The following VRK2 variants were observed in gnomAD, a reference collection of about 807,000 sequenced individuals.
The protein encoded by VRK2 is serine/threonine-protein kinase VRK2.
VRK2 carries 60 observed loss-of-function variants against 57.6 expected under a neutral mutation model. The observed-to-expected ratio is 1.04, with a 90% CI of 0.85 to 1.29. VRK2 has a LOEUF of 1.29. VRK2 is among the 50% of genes most tolerant of loss of function. The pLI, the probability that VRK2 is intolerant of heterozygous loss-of-function variation, is 0.00. For synonymous variants in VRK2, 231 were observed against 199.2 expected, an observed-to-expected ratio of 1.16 and a Z score of -1.35; for missense variants, 705 against 588.1, an observed-to-expected ratio of 1.20 and a Z score of -2.06.
chr2:57,978,685 C>CTTCT (rs558568696), intron 1 of VRK2, among the ~76,000 whole-genome samples: 1 of 146,618 alleles, frequency 6.8e-6, no homozygotes, highest in Non-Finnish European at 1.5e-5. Context: ...TCCTTCCTTC[C>CTTCT]TTCTTTCTTT....
At chr2:58,118,595 A>G (rs764134699) in intron 7 of VRK2, among the ~76,000 whole-genome samples, 1 of 152,212 alleles carries the variant, frequency 6.6e-6, no homozygotes, top group East Asian at 1.9e-4. Context: ...GGTCAGTCTG[A>G]GGACCTGAGG....
chr2:58,137,833 T>A (rs1026021867), intron 10 of VRK2, among the ~76,000 whole-genome samples: 1 of 152,200 alleles, frequency 6.6e-6, no homozygotes, highest in African/African-American at 2.4e-5. Context: ...GTTCTGGCAA[T>A]ATGCTAGTAA....
At chr2:57,950,379 G>A (rs931452403) in intron 1 of VRK2, among the ~76,000 whole-genome samples, 1 of 152,148 alleles carries the variant, frequency 6.6e-6, no homozygotes, top group Non-Finnish European at 1.5e-5. Context: ...TCAGCAAATC[G>A]TGGGGCCCTT....
At chr2:57,970,465 C>T (rs1313167150) in intron 1 of VRK2, among the ~76,000 whole-genome samples, 1 of 150,942 alleles carries the variant, frequency 6.6e-6, no homozygotes, top group Non-Finnish European at 1.5e-5. Context: ...GAAACAGATC[C>T]TTCTTTTAAT....
chr2:58,146,318 T>C lies in VRK2; in HGVS notation c.1026T>C (p.Val342=), dbSNP rs1682117845. ...INVHTPNSQK[V]DSQKAATKQV... ...TATTACTTACTCTATACCAACAGGT[T>C]GATTCACAAAAGGCTGCAACAAAGC... The change falls in exon 12 of 13, where the codon GTT becomes GTC. Residue 342 remains valine (V), a splice_region_variant and synonymous_variant. Transcript: ENST00000340157. 1 of 1,607,606 alleles carries C rather than the reference T, an allele frequency of 6.2e-7. No individual in the cohort carries two copies. Among genetic ancestry groups the C allele is most frequent in the South Asian group, 1.1e-5 (1 of 90,278 alleles).
At chr2:58,123,683 G>A (rs1677866816) in intron 8 of VRK2, among the ~76,000 whole-genome samples, 1 of 151,976 alleles carries the variant, frequency 6.6e-6, no homozygotes, top group South Asian at 2.1e-4. Flanking sequence ...GCAACATGGT[G>A]AAACCCCATC....
intron 2 of VRK2, among the ~76,000 whole-genome samples, chr2:58,081,207 A>T (rs530823757): frequency 1.3e-5 from 2 of 152,126 alleles, no homozygotes; most frequent in Non-Finnish European, 1.5e-5. Flanking sequence ...CACATGTAAT[A>T]CTATCAGCTA....
At chr2:58,113,701 T>C (rs1675943518) in intron 7 of VRK2, among the ~76,000 whole-genome samples, 1 of 152,090 alleles carries the variant, frequency 6.6e-6, no homozygotes, top group African/African-American at 2.4e-5. Flanking sequence ...ATCACTTAGT[T>C]AAGGTGGGGC....
At chr2:57,985,771 C>T (rs1672575536) in intron 1 of VRK2, among the ~76,000 whole-genome samples, 2 of 151,916 alleles carry the variant, frequency 1.3e-5, no homozygotes, top group African/African-American at 4.8e-5. Flanking sequence ...ATAAAACTGG[C>T]ACTATTTATG....
rs370355568 is a variant in VRK2 at position 58,062,682 on chromosome 2, C to A, written c.136+13715C>A. 3.4e-4 allele frequency among the ~76,000 whole-genome samples: 51 copies of A among 152,168 alleles called. 1 individual carries two copies. In the East Asian group the frequency reaches 5.6e-3, roughly 17 times the overall value. On this transcript the variant is annotated intron_variant, in intron 2 of 12. Transcript: ENST00000340157. ...TCCAGAGCAAGCTCCTAACTCTCTT[C>A]CATTCTGGGAAAGCTGAGAGAGGTG...
rs189018842 is a variant in VRK2 at position 58,102,685 on chromosome 2, G to T, written c.543+12962G>T. On this transcript the variant is annotated intron_variant, in intron 7 of 12. Transcript: ENST00000340157. ...CTTCAACACCCCACTCACAGCACCAGACAGATCATTGAGACAGAAAATCAG... is the reference window on the plus strand; with the variant it reads ...CTTCAACACCCCACTCACAGCACCATACAGATCATTGAGACAGAAAATCAG... 2.2e-3 allele frequency among the ~76,000 whole-genome samples: 334 copies of T among 151,564 alleles called. 3 individuals are homozygous for T. Among genetic ancestry groups the T allele is most frequent in the South Asian group, 0.02 (96 of 4,824 alleles).
At chr2:57,921,282 G>GCGCGCACACACACACACA (rs1670336326) in intron 1 of VRK2, among the ~76,000 whole-genome samples, 2 of 94,252 alleles carry the variant, frequency 2.1e-5, no homozygotes. Context: ...TAATTCTTAA[G>GCGCGCACACACACACACA]CGCGCACACA....
rs146208280 is a variant in VRK2, at chr2:58,146,454, A to G, written c.1162A>G (p.Met388Val). 35 of 1,610,490 alleles carry G rather than the reference A, an allele frequency of 2.2e-5. No homozygotes were observed. The East Asian group carries it at 7.8e-4, about 36-fold the overall frequency. Residue 388 changes from methionine (M) to valine (V), a missense_variant, in exon 12 of 13, where the codon ATG becomes GTG. Met to Val is a conservative substitution (Grantham distance 21). Transcript: ENST00000340157. ...GAAAGAGGAGAAACTGATTGGATTG[A>G]TGAACAATGAAGCAGCTCAGGTGAG... is the stretch of plus-strand genomic sequence containing the variant. ...VQKEEKLIGLMNNEAAQESTR... is the reference protein window; with the variant it reads ...VQKEEKLIGLVNNEAAQESTR...
intron 1 of VRK2, among the ~76,000 whole-genome samples, chr2:57,930,317 C>T (rs1670677545): frequency 6.6e-6 from 1 of 152,142 alleles, no homozygotes; most frequent in Admixed American, 6.5e-5. Flanking sequence ...AGTTCTGCCC[C>T]ATGTTGCTTT....
intron 11 of VRK2, among the ~76,000 whole-genome samples, chr2:58,140,160 T>C (rs989487658): frequency 2.6e-5 from 4 of 152,086 alleles, no homozygotes; most frequent in Non-Finnish European, 2.9e-5. Context: ...TCTTTAGATA[T>C]TGCCCTGTGT....
At chr2:58,052,158 T>A (rs369304672) in intron 2 of VRK2, among the ~76,000 whole-genome samples, 9 of 152,368 alleles carry the variant, frequency 5.9e-5, no homozygotes, top group African/African-American at 2.2e-4. Flanking sequence ...AGCCACTTAT[T>A]CATCTAGTTA....
At chr2:57,914,036 AC>A (rs1391548092) in intron 1 of VRK2, among the ~76,000 whole-genome samples, 3 of 152,090 alleles carry the variant, frequency 2.0e-5, no homozygotes, top group Non-Finnish European at 2.9e-5. Context: ...AAGAGAAAAA[AC>A]GTCAACTTTT....
intron 1 of VRK2, among the ~76,000 whole-genome samples, chr2:58,020,706 T>C (rs373999020): frequency 6.6e-6 from 1 of 152,254 alleles, no homozygotes; most frequent in Non-Finnish European, 1.5e-5. Context: ...TGAGACACTT[T>C]CCATTGTATA....
At chr2:57,929,451 G>A in intron 1 of VRK2, among the ~76,000 whole-genome samples, 1 of 152,118 alleles carries the variant, frequency 6.6e-6, no homozygotes. Flanking sequence ...CTCCCTTAAG[G>A]AAAGTGGGGT....
Sources: allele counts gnomAD v4.1 joint callset (sites outside exome capture counted in the v4.1 genomes callset), GRCh38; gene constraint gnomAD v4.1.1; transcripts MANE v1.5; gene names NCBI Gene and HGNC (gene_info 2026-07-23, HGNC 2026-07-21).